Variants in NKAIN2 observed in about 807,000 individuals in gnomAD.
The protein encoded by NKAIN2 is sodium/potassium-transporting ATPase subunit beta-1-interacting protein 2.
A neutral mutation model predicts 32.6 loss-of-function variants in NKAIN2; 14 were observed. That is an observed-to-expected ratio of 0.43 (90% CI 0.28 to 0.67). The LOEUF is 0.67. Among genes scored for constraint, NKAIN2 ranks in the 30% least tolerant of loss-of-function variants. The pLI, the probability that NKAIN2 is intolerant of heterozygous loss-of-function variation, is 0.17. For synonymous variants in NKAIN2, 80 were observed against 87.2 expected (o/e 0.92, Z 0.46); for missense variants, 198 against 258.3 (o/e 0.77, Z 1.60).
At chr6:124,435,602 G>C (rs1478568425) in intron 3 of NKAIN2, among the ~76,000 whole-genome samples, 1 of 152,114 alleles carries the variant, frequency 6.6e-6, no homozygotes. Context: ...AAGTGACTGA[G>C]CCAGGATTTG....
intron 4 of NKAIN2, among the ~76,000 whole-genome samples, chr6:124,664,630 T>C (rs1772682178): frequency 6.7e-6 from 1 of 149,628 alleles, no homozygotes; most frequent in Admixed American, 6.6e-5. Flanking sequence ...CCGTCTCTAC[T>C]AAAAATACAA....
chr6:124,413,361 T>A (rs617762), intron 3 of NKAIN2, among the ~76,000 whole-genome samples: 27 of 152,244 alleles, frequency 1.8e-4, no homozygotes, highest in African/African-American at 6.3e-4. Context: ...TCTTCACTCC[T>A]CTGTGCCTTT....
intron 1 of NKAIN2, among the ~76,000 whole-genome samples, chr6:123,888,534 T>C (rs1773840369): frequency 6.6e-6 from 1 of 152,166 alleles, no homozygotes. Flanking sequence ...CTGTTAATAT[T>C]GTATTTTTGG....
At chr6:123,888,356 C>CT (rs1427103668) in intron 1 of NKAIN2, among the ~76,000 whole-genome samples, 2 of 152,036 alleles carry the variant, frequency 1.3e-5, no homozygotes, top group Admixed American at 1.3e-4. Context: ...GCTTAGAATG[C>CT]TTTTTACTTG....
chr6:124,339,590 G>A (rs1583074179), intron 2 of NKAIN2, among the ~76,000 whole-genome samples: 1 of 152,094 alleles, frequency 6.6e-6, no homozygotes. Context: ...ATTTCTTTTT[G>A]TGTGTGAAAT....
intron 1 of NKAIN2, among the ~76,000 whole-genome samples, chr6:124,238,246 G>A (rs1401815635): frequency 1.3e-5 from 2 of 151,780 alleles, no homozygotes; most frequent in African/African-American, 2.4e-5. Flanking sequence ...ATTGAGAGAC[G>A]GGAGCTTTCA....
chr6:124,306,386 G>A (rs1368987996), intron 2 of NKAIN2, among the ~76,000 whole-genome samples: 1 of 152,054 alleles, frequency 6.6e-6, no homozygotes, highest in Non-Finnish European at 1.5e-5. Flanking sequence ...ATATACATTA[G>A]AAAGGCAGTG....
At chr6:123,871,932 A>G (rs1431417299) in intron 1 of NKAIN2, among the ~76,000 whole-genome samples, 7 of 152,184 alleles carry the variant, frequency 4.6e-5, no homozygotes, top group Non-Finnish European at 8.8e-5. Context: ...GTAATGCATC[A>G]TCTATAATTT....
intron 1 of NKAIN2, among the ~76,000 whole-genome samples, chr6:123,979,353 C>T (rs1417736924): frequency 3.3e-5 from 5 of 152,128 alleles, no homozygotes; most frequent in Admixed American, 3.3e-4. Flanking sequence ...TGGGTGTGCA[C>T]AGCATGGGTA....
At chr6:124,120,436 A>G (rs867919269) in intron 1 of NKAIN2, among the ~76,000 whole-genome samples, 9 of 152,346 alleles carry the variant, frequency 5.9e-5, no homozygotes, top group Middle Eastern at 3.4e-3. Flanking sequence ...TTGAAAACTT[A>G]TAGGCAACAG....
chr6:124,355,172 T>G (rs951287398), intron 2 of NKAIN2, 95 bp from the exon 3 acceptor site: 1 of 721,624 alleles, frequency 1.4e-6, no homozygotes, highest in East Asian at 2.5e-5. Flanking sequence ...TTCCCACTAA[T>G]CTTATATTAG....
chr6:124,410,006 G>A (rs1774081141), intron 3 of NKAIN2, among the ~76,000 whole-genome samples: 1 of 152,128 alleles, frequency 6.6e-6, no homozygotes, highest in Admixed American at 6.5e-5. Flanking sequence ...ATTCTCTGAT[G>A]GTAGTTTGTA....
At chr6:124,743,540 T>G (rs1777319433) in intron 4 of NKAIN2, among the ~76,000 whole-genome samples, 1 of 151,842 alleles carries the variant, frequency 6.6e-6, no homozygotes, top group South Asian at 2.1e-4. Flanking sequence ...TGATTTCCTC[T>G]GGCAAACTTG....
chr6:124,803,528 G>A (rs1399125802), intron 5 of NKAIN2, among the ~76,000 whole-genome samples: 1 of 152,204 alleles, frequency 6.6e-6, no homozygotes, highest in South Asian at 2.1e-4. Flanking sequence ...AAAAGGATTT[G>A]AAATATGGAA....
chr6:124,118,990 A>G (rs1309173824), intron 1 of NKAIN2, among the ~76,000 whole-genome samples: 1 of 152,176 alleles, frequency 6.6e-6, no homozygotes, highest in Non-Finnish European at 1.5e-5. Flanking sequence ...CTAGAGAAAT[A>G]GGATTTTATT....
chr6:124,750,894 G>C (rs1335181999), intron 4 of NKAIN2, among the ~76,000 whole-genome samples: 1 of 151,800 alleles, frequency 6.6e-6, no homozygotes, highest in East Asian at 2.0e-4. Flanking sequence ...TCAGGACAAG[G>C]CTCTAAGAGA....
At chr6:124,125,522 A>T (rs163295) in intron 1 of NKAIN2, among the ~76,000 whole-genome samples, 104,395 of 152,082 alleles carry the variant, frequency 0.69, 36,107 homozygotes, top group African/African-American at 0.76. Flanking sequence ...TAGGGCACAA[A>T]TGATTCCCCT....
intron 1 of NKAIN2, among the ~76,000 whole-genome samples, chr6:124,100,430 T>A (rs1484466930): frequency 1.3e-5 from 2 of 152,226 alleles, no homozygotes; most frequent in Non-Finnish European, 2.9e-5. Context: ...ATATGTTGAA[T>A]TTAACATTTA....
At chr6:123,861,518 T>G (rs1775785226) in intron 1 of NKAIN2, among the ~76,000 whole-genome samples, 1 of 152,200 alleles carries the variant, frequency 6.6e-6, no homozygotes, top group Admixed American at 6.5e-5. Context: ...TAAGGGCAGA[T>G]TTTTGTCGTT....
Sources: gnomAD v4.1 joint callset for allele counts (sites outside exome capture counted in the v4.1 genomes callset) on GRCh38, gnomAD v4.1.1 for gene constraint, MANE v1.5 for transcripts, NCBI Gene and HGNC (gene_info 2026-07-23, HGNC 2026-07-21) for gene names.